The following SULT2A1 variants were observed in gnomAD, a reference collection of about 807,000 sequenced individuals.
The protein encoded by SULT2A1 is sulfotransferase family 2A member 1.
Under a neutral mutation model 33.9 loss-of-function variants are expected in SULT2A1, and 43 were observed. The ratio of observed to expected loss-of-function variants is 1.27; its 90% CI spans 1.00 to 1.64. The LOEUF (loss-of-function observed/expected upper bound fraction) is 1.64, where lower values mean the gene tolerates loss of function less well. SULT2A1 is among the 40% of genes most tolerant of loss of function. The pLI is 0.00. For synonymous variants in SULT2A1, 125 were observed against 113.6 expected, an observed-to-expected ratio of 1.10 and a Z score of -0.64; for missense variants, 300 against 335.1, an observed-to-expected ratio of 0.90 and a Z score of 0.82.
intron 5 of SULT2A1, 73 bp downstream of exon 5, chr19:47,874,584 G>T: frequency 1.0e-6 from 1 of 995,728 alleles, no homozygotes; most frequent in Non-Finnish European, 1.5e-6. Flanking sequence ...TCAACTGTTA[G>T]CGCCCAGTTG....
intron 4 of SULT2A1, among the ~76,000 whole-genome samples, chr19:47,877,422 T>C (rs1968557156): frequency 6.6e-6 from 1 of 151,766 alleles, no homozygotes; most frequent in African/African-American, 2.4e-5. Context: ...ATATTTTTGG[T>C]AGAGATGGGA....
chr19:47,883,137 A>C (rs542181985), intron 2 of SULT2A1, among the ~76,000 whole-genome samples: 1 of 152,122 alleles, frequency 6.6e-6, no homozygotes, highest in African/African-American at 2.4e-5. Context: ...CGGGGCAGTC[A>C]ACCTGGATAC....
Position 47,882,217 on chromosome 19 carries a change from T to G in SULT2A1, c.346-7A>C. ...TTCTCATGAGATAAATCACCTTAAA[T>G]GGAAAAACGGGAGAATGAAAAATCA... On this transcript the variant is annotated splice_region_variant and splice_polypyrimidine_tract_variant and intron_variant, in intron 2 of 5. Transcript: ENST00000222002. 6.2e-7 allele frequency: 1 copy of G among 1,606,744 alleles called. No individual in the cohort carries two copies. The highest frequency in any genetic ancestry group is 1.1e-5 in the South Asian group (1 of 89,962).
At chr19:47,874,121 C>T (rs1373001406) in intron 5 of SULT2A1, among the ~76,000 whole-genome samples, 2 of 152,154 alleles carry the variant, frequency 1.3e-5, no homozygotes, top group African/African-American at 4.8e-5. Context: ...AATGACCTCA[C>T]GTAAGTCAGA....
intron 3 of SULT2A1, among the ~76,000 whole-genome samples, chr19:47,880,824 G>A (rs1968596710): frequency 6.6e-6 from 1 of 151,948 alleles, no homozygotes; most frequent in Non-Finnish European, 1.5e-5. Flanking sequence ...CTGACCTCAG[G>A]TGATCCGCCT....
rs768210507 is a variant in SULT2A1, at chr19:47,886,116, C to T, written c.136+6G>A. The T allele has an allele frequency of 2.5e-6, 4 of 1,613,368 alleles. No homozygotes were observed. Among genetic ancestry groups the T allele is most frequent in the African/African-American group, 2.7e-5 (2 of 74,938 alleles). On this transcript the variant is annotated splice_donor_region_variant and intron_variant, in intron 1 of 5. Coordinates refer to ENST00000222002, the MANE Select transcript of SULT2A1 (RefSeq NM_003167.4). ...CCTTTCTCAGTTCACGATTCTGCCTCCTTACCTGATTTGGGGTAAGTCAAT... is the reference window on the plus strand; with the variant it reads ...CCTTTCTCAGTTCACGATTCTGCCTTCTTACCTGATTTGGGGTAAGTCAAT...
chr19:47,872,495 G>A (rs981853728), intron 5 of SULT2A1, among the ~76,000 whole-genome samples: 1 of 152,032 alleles, frequency 6.6e-6, no homozygotes, highest in Non-Finnish European at 1.5e-5. Flanking sequence ...GACTATTGGC[G>A]TCCCACGCTC....
Position 47,883,742 on chromosome 19 carries a change from C to T in SULT2A1, c.180G>A (p.Lys60=). ...LAEILCLMHS[K]GDAKWIQSVP... is the part of the protein sequence containing the mutation. The stretch of plus-strand genomic sequence containing the variant: ...CAGATTGGATCCACTTGGCATCCCC[C>T]TTGGAGTGCATCAGGCAGAGAATCT... The change falls in exon 2 of 6, where the codon AAG becomes AAA. Residue 60 remains lysine, a synonymous_variant. Coordinates refer to ENST00000222002, the MANE Select transcript of SULT2A1 (RefSeq NM_003167.4). 1.2e-6 allele frequency: 2 copies of T among 1,614,076 alleles called. No individual in the cohort carries two copies. Among genetic ancestry groups the T allele is most frequent in the South Asian group, 1.1e-5 (1 of 91,082 alleles).
chr19:47,878,794 C>T (rs186251810), intron 4 of SULT2A1, among the ~76,000 whole-genome samples: 3 of 152,142 alleles, frequency 2.0e-5, no homozygotes, highest in East Asian at 1.9e-4. Context: ...GGATTACAGG[C>T]GCCAGCCAAC....
rs765438555 is a variant in SULT2A1, at chr19:47,886,175, T to C, written c.83A>G (p.Asp28Gly). 1.2e-5 allele frequency: 19 copies of C among 1,614,000 alleles called. No homozygotes were observed. Among genetic ancestry groups the C allele is most frequent in the Non-Finnish European group, 1.6e-5 (19 of 1,180,022 alleles). Residue 28 changes from aspartate to glycine, a missense_variant, in exon 1 of 6, where the codon GAT becomes GGT. Physicochemically the swap from Asp to Gly is moderately conservative, Grantham distance 94 (BLOSUM62 -1). Transcript: ENST00000222002. ...ATCTTCATCCCTTATCACGAACTCA[T>C]CACGTACTTTTCTTAAGGTTTCGGA... is the stretch of plus-strand genomic sequence containing the variant. ...FRSETLRKVR[D>G]EFVIRDEDVI...
At chr19:47,882,426 G>A (rs186851576) in intron 2 of SULT2A1, among the ~76,000 whole-genome samples, 40 of 152,198 alleles carry the variant, frequency 2.6e-4, no homozygotes, top group Non-Finnish European at 4.3e-4. Flanking sequence ...AGGAAGCATC[G>A]TTCCTTCCCT....
At chr19:47,879,187 AG>A in intron 3 of SULT2A1, 57 bp from the exon 4 acceptor site, 1 of 1,011,926 alleles carries the variant, frequency 9.9e-7, no homozygotes, top group Non-Finnish European at 1.6e-6. Flanking sequence ...GCAGGCATCC[AG>A]TCTATTATGT....
Position 47,878,934 on chromosome 19 carries a change from A to G in SULT2A1, c.567+102T>C. The G allele has an allele frequency of 3.8e-6, 3 of 792,694 alleles. No homozygotes were observed. In the South Asian group the frequency reaches 4.4e-5, roughly 12 times the overall value. 49.1% of individuals were successfully genotyped at this position (792,694 alleles called of 1,614,324 possible). A position where few individuals can be genotyped will look rare whatever the true frequency, so the allele number is the denominator to read the frequency against. On this transcript the variant is annotated intron_variant, in intron 4 of 5. Transcript: ENST00000222002. ...TGACTCTTCACCAGGCTCCACTTTA[A>G]CTGAGAGGGTGGAATGAAGACACAG...
chr19:47,883,825 T>A, intron 1 of SULT2A1, 40 bp from the exon 2 acceptor site: 1 of 1,585,594 alleles, frequency 6.3e-7, no homozygotes, highest in Non-Finnish European at 8.6e-7. Context: ...ATGTACCATC[T>A]CAGCCGGACA....
Position 47,870,752 on chromosome 19 carries a change from A to G in SULT2A1, c.*703T>C, listed in dbSNP as rs964722086. 22 of 147,602 alleles carry G rather than the reference A, an allele frequency of 1.5e-4. 1 individual carries two copies. Among genetic ancestry groups the G allele is most frequent in the Admixed American group, 1.2e-3 (17 of 14,752 alleles). The allele number at this position is 147,602 out of a possible 1,614,324, so 9.1% of individuals were successfully genotyped here. On this transcript the variant is annotated 3_prime_UTR_variant, in exon 6 of 6. Transcript: ENST00000222002. ...TCTTGTAGCATTCTGTAAACGGGAA[A>G]CATTGCAAACATTTAAAAAAGTCTG... is the stretch of plus-strand genomic sequence containing the variant.
intron 1 of SULT2A1, among the ~76,000 whole-genome samples, chr19:47,885,426 C>G (rs1473123838): frequency 1.3e-5 from 2 of 152,192 alleles, no homozygotes; most frequent in Non-Finnish European, 2.9e-5. Flanking sequence ...GAATTTTCTT[C>G]CTTCTCAAGG....
At chr19:47,879,181 G>C (rs780831616) in intron 3 of SULT2A1, 51 bp from the exon 4 acceptor site, 3 of 1,070,590 alleles carry the variant, frequency 2.8e-6, no homozygotes, top group East Asian at 4.7e-5. Context: ...ATGAGAGCAG[G>C]CATCCAGTCT....
rs1281322291 is a variant in SULT2A1 at position 47,871,182 on chromosome 19, G to A, written c.*273C>T. On this transcript the variant is annotated 3_prime_UTR_variant, in exon 6 of 6. Transcript: ENST00000222002. ...GGTTTTTGTATTTTTAGTAGAGATG[G>A]GGTTTCACCGTGTTAGCCAGGATGG... is the stretch of plus-strand genomic sequence containing the variant. 3 of 304,852 alleles carry A rather than the reference G, an allele frequency of 9.8e-6. No individual in the cohort carries two copies. Among genetic ancestry groups the A allele is most frequent in the Non-Finnish European group, 1.8e-5 (3 of 166,290 alleles). 18.9% of individuals were successfully genotyped at this position (304,852 alleles called of 1,614,324 possible). A position where few individuals can be genotyped will look rare whatever the true frequency, so the allele number is the denominator to read the frequency against.
At chr19:47,871,789 C>G (rs1172101322) in intron 5 of SULT2A1, among the ~76,000 whole-genome samples, 2 of 152,168 alleles carry the variant, frequency 1.3e-5, no homozygotes, top group Non-Finnish European at 2.9e-5. Context: ...GCAATAACGC[C>G]AGTATATCAT....
Sources: allele counts gnomAD v4.1 joint callset (sites outside exome capture counted in the v4.1 genomes callset), GRCh38; gene constraint gnomAD v4.1.1; transcripts MANE v1.5; gene names NCBI Gene and HGNC (gene_info 2026-07-23, HGNC 2026-07-21).